Variants in AKR7A2 observed in about 807,000 individuals in gnomAD.
AKR7A2 encodes aldo-keto reductase family 7 member A2.
In AKR7A2, 29 loss-of-function variants were observed where a neutral mutation model predicts 37.3. The ratio of observed to expected loss-of-function variants is 0.78; its 90% CI spans 0.58 to 1.06. The LOEUF is 1.06. AKR7A2 is among the 50% of genes least tolerant of loss of function. The probability of loss-of-function intolerance (pLI) is 0.00; values close to 1 mark genes in which losing one functional copy is unlikely to be tolerated. For synonymous variants in AKR7A2, 228 were observed against 217.8 expected, an observed-to-expected ratio of 1.05 and a Z score of -0.41; for missense variants, 529 against 497.9, an observed-to-expected ratio of 1.06 and a Z score of -0.59.
At chr1:19,308,047 GC>G in intron 3 of AKR7A2, 110 bp downstream of exon 3, 1 of 1,399,164 alleles carries the variant, frequency 7.1e-7, no homozygotes, top group Non-Finnish European at 1.0e-6. Flanking sequence ...CAGGCTTTCA[GC>G]AGGGGAGTGG....
In AKR7A2 at chr1:19,312,082, G is replaced by A. The variant is rs912554794; in HGVS notation, c.43C>T (p.His15Tyr). 25 of 1,343,072 alleles carry A rather than the reference G, an allele frequency of 1.9e-5. No homozygotes were observed. The highest frequency in any genetic ancestry group is 2.4e-5 in the Non-Finnish European group (25 of 1,057,296). 83.2% of individuals were successfully genotyped at this position (1,343,072 alleles called of 1,614,324 possible). A position where few individuals can be genotyped will look rare whatever the true frequency, so the allele number is the denominator to read the frequency against. ...ASRVVSRAAV[H>Y]CALRSPPPEA... ...GGCGGCGGAGAGCGAAGCGCGCAGTGGACGGCGGCGCGGGAGACTACGCGA... is the reference window on the plus strand; with the variant it reads ...GGCGGCGGAGAGCGAAGCGCGCAGTAGACGGCGGCGCGGGAGACTACGCGA... The change falls in exon 1 of 7, where the codon CAC (histidine) becomes TAC (tyrosine). Residue 15 changes from histidine (H) to tyrosine (Y), a missense_variant. Coordinates refer to ENST00000235835, the MANE Select transcript of AKR7A2 (RefSeq NM_003689.4).
At position 19,310,762 on chromosome 1, in the gene AKR7A2, C is replaced by T. The variant is rs186492564; in HGVS notation, c.298+1065G>A. ...ATTCACATTTGCCCTCTTTTCCCCC[C>T]GACCCCCCAAGCGCTATGACTCAGG... is the stretch of plus-strand genomic sequence containing the variant. On this transcript the variant is annotated intron_variant, in intron 1 of 6. Coordinates refer to ENST00000235835, the MANE Select transcript of AKR7A2 (RefSeq NM_003689.4). 4.1e-3 allele frequency among the ~76,000 whole-genome samples: 630 copies of T among 152,084 alleles called. 4 individuals are homozygous for T. The highest frequency in any genetic ancestry group is 0.014 in the African/African-American group (586 of 41,448).
intron 6 of AKR7A2, 68 bp from the exon 7 acceptor site, chr1:19,304,454 G>A: frequency 6.2e-7 from 1 of 1,612,972 alleles, no homozygotes; most frequent in East Asian, 2.2e-5. Context: ...AGCCGTCCCA[G>A]CCACCTCCCT....
Position 19,307,060 on chromosome 1 carries a change from C to A in AKR7A2, c.730G>T (p.Gly244Trp). 6.2e-7 allele frequency: 1 copy of A among 1,614,242 alleles called. No individual in the cohort carries two copies. The highest frequency in any genetic ancestry group is 8.5e-7 in the Non-Finnish European group (1 of 1,180,048). ...AAGAAGCGGCCCACAGGCTGTTTCC[C>A]GTCCTTGTCCTCATACTTGTACTTG... ...TGKYKYEDKD[G>W]KQPVGRFFGN... The change falls in exon 5 of 7, where the codon GGG becomes TGG. Residue 244 changes from glycine (G) to tryptophan (W), a missense_variant. Gly to Trp is a radical substitution (Grantham distance 184). Transcript: ENST00000235835.
rs200577299 is a variant in AKR7A2, at chr1:19,308,506, G to A, written c.435C>T (p.His145=). ...VDLFYLHAPD[H]GTPVEETLHA... ...GCAGCGTCTCTTCCACCGGGGTGCC[G>A]TGGTCAGGTGCGTGTAGGTAGAAGA... The change falls in exon 2 of 7, where the codon CAC becomes CAT. Residue 145 remains histidine (H), a synonymous_variant. Transcript: ENST00000235835. 5.0e-5 allele frequency: 80 copies of A among 1,614,188 alleles called. No individual in the cohort carries two copies. Among genetic ancestry groups the A allele is most frequent in the East Asian group, 6.7e-5 (3 of 44,874 alleles).
rs777922847 is a variant in AKR7A2, at chr1:19,308,535, C to T, written c.406G>A (p.Asp136Asn). 31 of 1,614,074 alleles carry T rather than the reference C, an allele frequency of 1.9e-5. No individual in the cohort carries two copies. In the Admixed American group the frequency reaches 5.0e-4, roughly 26 times the overall value. ...TCAGGTGCGTGTAGGTAGAAGAGGT[C>T]CACTTGGGGACACTGCAGCCTCTTC... ...SLKRLQCPQV[D>N]LFYLHAPDHG... Residue 136 changes from aspartate (D) to asparagine (N), a missense_variant, in exon 2 of 7, where the codon GAC (aspartate) becomes AAC (asparagine). Physicochemically the swap from Asp to Asn is conservative, Grantham distance 23 (BLOSUM62 1). Coordinates refer to ENST00000235835, the MANE Select transcript of AKR7A2 (RefSeq NM_003689.4).
At chr1:19,305,535 C>T (rs1024445268) in intron 6 of AKR7A2, among the ~76,000 whole-genome samples, 3 of 152,084 alleles carry the variant, frequency 2.0e-5, no homozygotes, top group African/African-American at 7.3e-5. Flanking sequence ...AGATAGGGTC[C>T]CATTTTCTTG....
At chr1:19,304,983 T>G in intron 6 of AKR7A2, 1 of 156,744 alleles carries the variant, frequency 6.4e-6, no homozygotes, top group Non-Finnish European at 1.4e-5. Context: ...TGTTTTGACA[T>G]TCGATCTTTT....
At chr1:19,307,606 A>AT (rs1416759190) in intron 3 of AKR7A2, 196 bp from the exon 4 acceptor site, 2 of 647,870 alleles carry the variant, frequency 3.1e-6, no homozygotes, top group African/African-American at 3.6e-5. Flanking sequence ...CTTTCCACAA[A>AT]TATCTGCTGT....
rs759483471 is a variant in AKR7A2 at position 19,304,379 on chromosome 1, T to C, written c.926A>G (p.His309Arg). ...MYHHSQLQGA[H>R]GDAVILGMSS... ...CATGCCCAGGATGACCGCGTCCCCG[T>C]GGGCACCCTGCAAGGGAGACGGCCA... The change falls in exon 7 of 7, where the codon CAC (histidine) becomes CGC (arginine). Residue 309 changes from histidine to arginine, a missense_variant. Physicochemically the swap from His to Arg is conservative, Grantham distance 29. Transcript: ENST00000235835. The C allele has an allele frequency of 1.1e-5, 18 of 1,613,974 alleles. No homozygotes were observed. The highest frequency in any genetic ancestry group is 1.4e-5 in the Non-Finnish European group (17 of 1,179,934).
rs543430969 is a variant in AKR7A2 at position 19,310,075 on chromosome 1, C to CA, written c.299-1434dup. Among the ~76,000 whole-genome samples the CA allele has an allele frequency of 3.6e-3, 542 of 149,818 alleles. 5 individuals are homozygous for CA. Among genetic ancestry groups the CA allele is most frequent in the African/African-American group, 0.013 (524 of 40,062 alleles). ...TGGGCGACAGAGTGAGACTCTGTGT[C>CA]AAAAAACAAAAAACAAAACAAAAAA... On this transcript the variant is annotated intron_variant, in intron 1 of 6. Transcript: ENST00000235835.
rs1319504153 is a variant in AKR7A2 at position 19,304,534 on chromosome 1, AG to A, written c.919-149del. On this transcript the variant is annotated intron_variant, in intron 6 of 6. Coordinates refer to ENST00000235835, the MANE Select transcript of AKR7A2 (RefSeq NM_003689.4). The stretch of plus-strand genomic sequence containing the variant: ...AGAAAGGACTTAAGGTGCCTTGGAT[AG>A]CTGTACCCACGTGACTTGAAACCCG... 18 of 1,374,622 alleles carry A rather than the reference AG, an allele frequency of 1.3e-5. No homozygotes were observed. The East Asian group carries it at 4.2e-4, about 32-fold the overall frequency. The allele number at this position is 1,374,622 out of a possible 1,614,324, so 85.2% of individuals were successfully genotyped here.
chr1:19,308,332 C>G, intron 2 of AKR7A2, 70 bp from the exon 3 acceptor site: 11 of 1,606,494 alleles, frequency 6.8e-6, no homozygotes, highest in Non-Finnish European at 8.5e-6. Context: ...GGGTGGGGCC[C>G]CAGGGAATGG....
At position 19,304,132 on chromosome 1, in the gene AKR7A2, A is replaced by G. The variant is rs2093756824; in HGVS notation, c.*93T>C. On this transcript the variant is annotated 3_prime_UTR_variant, in exon 7 of 7. Coordinates refer to ENST00000235835, the MANE Select transcript of AKR7A2 (RefSeq NM_003689.4). ...GCATGGATCTAGACAATTCAGAAAA[A>G]CCCTTCTAAGTCAGCTTAAGGCCAA... 1 of 1,593,224 alleles carries G rather than the reference A, an allele frequency of 6.3e-7. No individual in the cohort carries two copies. Among genetic ancestry groups the G allele is most frequent in the Admixed American group, 1.7e-5 (1 of 59,760 alleles).
intron 2 of AKR7A2, 66 bp downstream of exon 2, chr1:19,308,389 C>T: frequency 1.3e-6 from 2 of 1,599,320 alleles, no homozygotes; most frequent in East Asian, 4.5e-5. Flanking sequence ...CCTCTGCTCT[C>T]ATGAGTAGGA....
chr1:19,303,754 T>C (rs924743026), downstream of AKR7A2, among the ~76,000 whole-genome samples: 4 of 152,198 alleles, frequency 2.6e-5, no homozygotes, highest in African/African-American at 7.2e-5. Flanking sequence ...ATGACTCTCT[T>C]TTCTATCGTG....
chr1:19,304,961 C>T (rs1543366), intron 6 of AKR7A2: 25,005 of 157,962 alleles, frequency 0.16, 2,201 homozygotes, highest in South Asian at 0.27. Context: ...AAGCAGGCTA[C>T]GTTATTAAGC....
chr1:19,308,123 C>A (rs546461253), intron 3 of AKR7A2, 35 bp downstream of exon 3: 1 of 1,613,486 alleles, frequency 6.2e-7, no homozygotes, highest in East Asian at 2.2e-5. Context: ...AGCAGGAGTC[C>A]TGGAGACCTT....
chr1:19,308,794 G>T, intron 1 of AKR7A2, 152 bp from the exon 2 acceptor site: 1 of 795,954 alleles, frequency 1.3e-6, no homozygotes, highest in Non-Finnish European at 2.1e-6. Flanking sequence ...GGAGGTCCTG[G>T]GGATTAAATA....
Sources: allele counts gnomAD v4.1 joint callset (sites outside exome capture counted in the v4.1 genomes callset), GRCh38; gene constraint gnomAD v4.1.1; transcripts MANE v1.5; gene names NCBI Gene and HGNC (gene_info 2026-07-23, HGNC 2026-07-21).